The following KCTD18 variants were observed in gnomAD, a reference collection of about 807,000 sequenced individuals.
The protein encoded by KCTD18 is potassium channel tetramerization domain containing 18.
In KCTD18, 22 loss-of-function variants were observed where a neutral mutation model predicts 30.4. The observed-to-expected ratio is 0.72, with a 90% CI of 0.52 to 1.03. The LOEUF (loss-of-function observed/expected upper bound fraction) is 1.03. Among genes scored for constraint, KCTD18 ranks in the 50% least tolerant of loss-of-function variants. The pLI is 0.00. For missense variants in KCTD18, 529 were observed against 547.6 expected (o/e 0.97, Z 0.34); for synonymous variants, 186 against 209.0 (o/e 0.89, Z 0.95).
At chr2:200,509,576 A>C (rs1212890923) in intron 1 of KCTD18, 52 bp downstream of exon 1, 1 of 152,480 alleles carries the variant, frequency 6.6e-6, no homozygotes, top group Admixed American at 6.5e-5. Flanking sequence ...GCTATGTGGA[A>C]AGTGTCCAGC....
At chr2:200,492,363 G>A (rs1430217298) in intron 6 of KCTD18, among the ~76,000 whole-genome samples, 1 of 152,110 alleles carries the variant, frequency 6.6e-6, no homozygotes, top group Non-Finnish European at 1.5e-5. Flanking sequence ...ATCACCCCTC[G>A]TTGAGAACCA....
rs781027215 is a variant in KCTD18 at position 200,501,062 on chromosome 2, T to C, written c.373-1978A>G. 2.0e-3 allele frequency among the ~76,000 whole-genome samples: 306 copies of C among 152,104 alleles called. 1 individual carries two copies. The highest frequency in any genetic ancestry group is 4.1e-3 in the Admixed American group (62 of 15,278). On this transcript the variant is annotated intron_variant, in intron 3 of 6. Coordinates refer to ENST00000359878, the MANE Select transcript of KCTD18 (RefSeq NM_152387.4). ...GGATTCCCTATTTAATAAATGGTGC[T>C]GGGAAAACTGGCTAGCCATATGTAG... is the stretch of plus-strand genomic sequence containing the variant.
chr2:200,506,896 T>G lies in KCTD18; in HGVS notation c.121A>C (p.Met41Leu), dbSNP rs148180378. 6.2e-7 allele frequency: 1 copy of G among 1,613,844 alleles called. No homozygotes were observed. Among genetic ancestry groups the G allele is most frequent in the Non-Finnish European group, 8.5e-7 (1 of 1,179,998 alleles). Residue 41 changes from methionine (M) to leucine (L), a missense_variant, in exon 2 of 7, where the codon ATG (methionine) becomes CTG (leucine). Coordinates refer to ENST00000359878, the MANE Select transcript of KCTD18 (RefSeq NM_152387.4). The part of the protein sequence containing the change: ...CRFKDSMLAS[M>L]FSGRFPLKTD... ...TTTAGAGGAAAGCGACCACTGAACA[T>G]AGATGCCAACATGGAGTCCTTGAAG...
intron 5 of KCTD18, among the ~76,000 whole-genome samples, chr2:200,494,237 A>G (rs1397430409): frequency 6.6e-6 from 1 of 152,176 alleles, no homozygotes; most frequent in African/African-American, 2.4e-5. Flanking sequence ...GTGACCGCTT[A>G]GGGGTTCCTT....
At chr2:200,494,631 C>T (rs1421236077) in intron 5 of KCTD18, among the ~76,000 whole-genome samples, 1 of 152,186 alleles carries the variant, frequency 6.6e-6, no homozygotes, top group Non-Finnish European at 1.5e-5. Context: ...CCAAAACCTA[C>T]ACATACTATA....
chr2:200,509,278 A>T (rs73044110), intron 1 of KCTD18, among the ~76,000 whole-genome samples: 10,434 of 152,006 alleles, frequency 0.069, 1,222 homozygotes, highest in African/African-American at 0.24. Flanking sequence ...CCAATCCAGA[A>T]CGGCAGGACG....
intron 6 of KCTD18, 150 bp from the exon 7 acceptor site, chr2:200,490,766 C>A: frequency 1.4e-6 from 1 of 735,526 alleles, no homozygotes; most frequent in Non-Finnish European, 2.1e-6. Context: ...CATCTCTCAT[C>A]TCCCACCAAG....
At chr2:200,509,077 A>G (rs1411889847) in intron 1 of KCTD18, among the ~76,000 whole-genome samples, 1 of 152,038 alleles carries the variant, frequency 6.6e-6, no homozygotes, top group Admixed American at 6.6e-5. Context: ...AATAACTCCC[A>G]TTTACTGAAT....
At chr2:200,503,494 T>C (rs1437630019) in intron 3 of KCTD18, among the ~76,000 whole-genome samples, 1 of 152,290 alleles carries the variant, frequency 6.6e-6, no homozygotes, top group East Asian at 1.9e-4. Context: ...ACAGCATGAA[T>C]GTGGGCATGC....
intron 2 of KCTD18, 64 bp from the exon 3 acceptor site, chr2:200,505,023 T>G: frequency 7.8e-7 from 1 of 1,287,978 alleles, no homozygotes; most frequent in Non-Finnish European, 1.1e-6. Context: ...TTTCAACAAA[T>G]CAAACTAGGT....
At chr2:200,495,767 T>C (rs992938276) in intron 5 of KCTD18, 1 of 152,098 alleles carries the variant, frequency 6.6e-6, no homozygotes, top group African/African-American at 2.4e-5. Context: ...AAACTTTCTT[T>C]CTATTAAGGA....
At chr2:200,508,191 G>A (rs1011553554) in intron 1 of KCTD18, among the ~76,000 whole-genome samples, 11 of 152,204 alleles carry the variant, frequency 7.2e-5, no homozygotes, top group Non-Finnish European at 1.5e-4. Context: ...CCGGGTTCAA[G>A]CAATTCTCCT....
intron 1 of KCTD18, among the ~76,000 whole-genome samples, chr2:200,508,547 G>T (rs13399974): frequency 0.011 from 1,677 of 152,292 alleles, 33 homozygotes; most frequent in African/African-American, 0.038. Context: ...ATAGCAAGTT[G>T]AAAATGGCTG....
In KCTD18 at chr2:200,489,979, C is replaced by G. The variant is rs1322682965; in HGVS notation, c.*121G>C. 3 of 1,046,346 alleles carry G rather than the reference C, an allele frequency of 2.9e-6. No homozygotes were observed. Among genetic ancestry groups the G allele is most frequent in the Non-Finnish European group, 4.0e-6 (3 of 750,226 alleles). The allele number at this position is 1,046,346 out of a possible 1,614,324, so 64.8% of individuals were successfully genotyped here. A position where few individuals can be genotyped will look rare whatever the true frequency, so the allele number is the denominator to read the frequency against. On this transcript the variant is annotated 3_prime_UTR_variant, in exon 7 of 7. Coordinates refer to ENST00000359878, the MANE Select transcript of KCTD18 (RefSeq NM_152387.4). ...TTCCTAGCTCACACAATTCCAGGAA[C>G]AGAATCCTCAACATAAACCTAAGCT...
intron 4 of KCTD18, among the ~76,000 whole-genome samples, chr2:200,498,053 G>T (rs1359499625): frequency 6.8e-6 from 1 of 146,826 alleles, no homozygotes; most frequent in South Asian, 2.2e-4. Flanking sequence ...CCTATATTTT[G>T]ATCTCTTTTT....
chr2:200,491,889 G>C (rs2087923787), intron 6 of KCTD18, among the ~76,000 whole-genome samples: 1 of 152,138 alleles, frequency 6.6e-6, no homozygotes, highest in African/African-American at 2.4e-5. Flanking sequence ...TAATAACGTG[G>C]TTATTTGAAA....
At chr2:200,507,164 T>C in intron 1 of KCTD18, 73 bp from the exon 2 acceptor site, 1 of 526,528 alleles carries the variant, frequency 1.9e-6, no homozygotes, top group Admixed American at 3.8e-5. Flanking sequence ...AAATATACTT[T>C]AACATGACTG....
chr2:200,500,124 C>T (rs560353593), intron 3 of KCTD18, among the ~76,000 whole-genome samples: 10 of 151,570 alleles, frequency 6.6e-5, no homozygotes, highest in East Asian at 1.9e-4. Context: ...ATTGATGGGA[C>T]GTATCTCAAA....
chr2:200,492,015 C>G (rs1452166630), intron 6 of KCTD18, among the ~76,000 whole-genome samples: 1 of 152,190 alleles, frequency 6.6e-6, no homozygotes, highest in African/African-American at 2.4e-5. Flanking sequence ...TCTCAGTCAT[C>G]ATCATCGTTA....
Sources: gnomAD v4.1 joint callset for allele counts (sites outside exome capture counted in the v4.1 genomes callset) on GRCh38, gnomAD v4.1.1 for gene constraint, MANE v1.5 for transcripts, NCBI Gene and HGNC (gene_info 2026-07-23, HGNC 2026-07-21) for gene names.